The following NRROS variants were observed in gnomAD, a reference collection of about 807,000 sequenced individuals.
NRROS encodes negative regulator of reactive oxygen species, also known as transforming growth factor beta activator LRRC33.
NRROS carries 6 observed loss-of-function variants against 12.0 expected under a neutral mutation model. The ratio of observed to expected loss-of-function variants is 0.50; its 90% CI spans 0.27 to 0.98. NRROS has a LOEUF of 0.98. Ranked by LOEUF, NRROS falls within the 50% of genes least tolerant of loss-of-function variation. The probability of loss-of-function intolerance (pLI) is 0.11; values close to 1 mark genes in which losing one functional copy is unlikely to be tolerated. For missense variants in NRROS, 857 were observed against 888.2 expected (o/e 0.96, Z 0.45); for synonymous variants, 462 against 410.2 (o/e 1.13, Z -1.53).
At chr3:196,656,675 A>T (rs1737542399) in intron 2 of NRROS, among the ~76,000 whole-genome samples, 1 of 152,188 alleles carries the variant, frequency 6.6e-6, no homozygotes, top group African/African-American at 2.4e-5. Context: ...ACTACACAGT[A>T]GTTATTCAGG....
chr3:196,652,771 C>T (rs1018532207), intron 1 of NRROS, among the ~76,000 whole-genome samples: 3 of 152,148 alleles, frequency 2.0e-5, no homozygotes, highest in Admixed American at 6.6e-5. Context: ...GCCCCTTACA[C>T]GTCTAGATTC....
At chr3:196,647,226 C>T (rs934206667) in intron 1 of NRROS, among the ~76,000 whole-genome samples, 5 of 152,050 alleles carry the variant, frequency 3.3e-5, no homozygotes, top group Non-Finnish European at 7.4e-5. Flanking sequence ...GTCATTGAAT[C>T]AAAAAGAATC....
chr3:196,649,477 C>G (rs1253696787), intron 1 of NRROS, among the ~76,000 whole-genome samples: 1 of 149,698 alleles, frequency 6.7e-6, no homozygotes, highest in African/African-American at 2.5e-5. Context: ...ATTTGTTTCT[C>G]TCTTTTTTTT....
Position 196,653,106 on chromosome 3 carries a change from G to A in NRROS, c.-13-1421G>A, listed in dbSNP as rs183434367. Among the ~76,000 whole-genome samples the A allele has an allele frequency of 1.3e-3, 191 of 152,266 alleles. 2 individuals are homozygous for A. The highest frequency in any genetic ancestry group is 4.1e-3 in the African/African-American group (172 of 41,546). ...GGGGGGATCCTGAGGTCAGGAACCC[G>A]TACACCTCTGCTTCTGCCCTCTCTT... On this transcript the variant is annotated intron_variant, in intron 1 of 2. Coordinates refer to ENST00000328557, the MANE Select transcript of NRROS (RefSeq NM_198565.3).
In NRROS at chr3:196,660,534, G is replaced by A. The variant is rs1737647321; in HGVS notation, c.891G>A (p.Arg297=). ...YRDLYNTSSP[R]EMVAQFLLVD... ...ACCTGTACAACACCTCGTCGCCGAG[G>A]GAGATGGTGGCCCAGTTCCTCCTCG... Residue 297 remains arginine, a synonymous_variant, in exon 3 of 3, where the codon AGG becomes AGA. Coordinates refer to ENST00000328557, the MANE Select transcript of NRROS (RefSeq NM_198565.3). The surrounding 1 kb of genome is among the most constrained non-coding windows in gnomAD (Gnocchi z 7.7). The A allele has an allele frequency of 6.2e-7, 1 of 1,614,030 alleles. No homozygotes were observed. Among genetic ancestry groups the A allele is most frequent in the African/African-American group, 1.3e-5 (1 of 74,900 alleles).
intron 1 of NRROS, among the ~76,000 whole-genome samples, chr3:196,640,747 C>T (rs1241176055): frequency 6.6e-6 from 1 of 152,142 alleles, no homozygotes; most frequent in Non-Finnish European, 1.5e-5. Flanking sequence ...TGGACACGTG[C>T]CAGTTGGTGG....
intron 1 of NRROS, among the ~76,000 whole-genome samples, chr3:196,643,507 A>G (rs1013713908): frequency 3.4e-4 from 52 of 152,194 alleles, no homozygotes; most frequent in African/African-American, 1.3e-3. Context: ...CATGTGCACC[A>G]AGCAACTTTC....
rs1280665879 is a variant in NRROS at position 196,660,245 on chromosome 3, T to C, written c.602T>C (p.Phe201Ser). 6.2e-7 allele frequency: 1 copy of C among 1,613,700 alleles called. No homozygotes were observed. The highest frequency in any genetic ancestry group is 8.5e-7 in the Non-Finnish European group (1 of 1,180,038). Reference protein sequence around the residue: ...NYIFEIEGGAFDGLAELRHLN... With the variant: ...NYIFEIEGGASDGLAELRHLN... ...ATCTTCGAGATCGAGGGCGGCGCTT[T>C]CGACGGCCTGGCTGAGCTGAGGCAC... The change falls in exon 3 of 3, where the codon TTC (phenylalanine) becomes TCC (serine). Residue 201 changes from phenylalanine (F) to serine (S), a missense_variant. By Grantham distance (155) the Phe-to-Ser change is radical. Coordinates refer to ENST00000328557, the MANE Select transcript of NRROS (RefSeq NM_198565.3). The surrounding 1 kb of genome is among the most constrained non-coding windows in gnomAD (Gnocchi z 7.7).
intron 2 of NRROS, among the ~76,000 whole-genome samples, chr3:196,657,832 C>A (rs568574012): frequency 6.6e-6 from 1 of 151,956 alleles, no homozygotes; most frequent in Non-Finnish European, 1.5e-5. Flanking sequence ...TTCTAACGTT[C>A]GTCTGGAAAT....
chr3:196,646,262 G>A (rs1359868518), intron 1 of NRROS, among the ~76,000 whole-genome samples: 1 of 152,250 alleles, frequency 6.6e-6, no homozygotes, highest in Non-Finnish European at 1.5e-5. Context: ...CCTTCTTATC[G>A]AGAAGGGCGG....
chr3:196,661,291 A>G lies in NRROS; in HGVS notation c.1648A>G (p.Thr550Ala). 1 of 1,611,474 alleles carries G rather than the reference A, an allele frequency of 6.2e-7. No homozygotes were observed. Among genetic ancestry groups the G allele is most frequent in the Non-Finnish European group, 8.5e-7 (1 of 1,178,660 alleles). ...DLDLSGNCLT[T>A]FPRFGGSLAL... Reference sequence around the variant, plus strand: ...AGATCTGTCGGGGAATTGCTTGACCACCTTCCCAAGGTTTGGGGGCAGCCT... The same window carrying G: ...AGATCTGTCGGGGAATTGCTTGACCGCCTTCCCAAGGTTTGGGGGCAGCCT... Residue 550 changes from threonine (T) to alanine (A), a missense_variant, in exon 3 of 3, where the codon ACC becomes GCC. By Grantham distance (58) the Thr-to-Ala change is moderately conservative (BLOSUM62 0). Coordinates refer to ENST00000328557, the MANE Select transcript of NRROS (RefSeq NM_198565.3).
rs1737503546 is a variant in NRROS at position 196,654,731 on chromosome 3, T to A, written c.108+84T>A. ...ATTTGGAAAGCTGACAGATTGTCCA[T>A]CAGGAAGGGCAGAGAATGAAGGAGC... is the stretch of plus-strand genomic sequence containing the variant. On this transcript the variant is annotated intron_variant, in intron 2 of 2. Coordinates refer to ENST00000328557, the MANE Select transcript of NRROS (RefSeq NM_198565.3). This position sits in a 1 kb window ranked among gnomAD's most constrained non-coding sequence, Gnocchi z 4.4. 1 of 839,784 alleles carries A rather than the reference T, an allele frequency of 1.2e-6. No individual in the cohort carries two copies. The highest frequency in any genetic ancestry group is 1.6e-5 in the South Asian group (1 of 61,420). The allele number at this position is 839,784 out of a possible 1,614,324, so 52.0% of individuals were successfully genotyped here.
At chr3:196,650,071 C>T (rs879596663) in intron 1 of NRROS, among the ~76,000 whole-genome samples, 3 of 152,162 alleles carry the variant, frequency 2.0e-5, no homozygotes, top group African/African-American at 7.2e-5. Context: ...AGATATCCAG[C>T]GTGCACCTGA....
chr3:196,649,150 G>C (rs963969361), intron 1 of NRROS, among the ~76,000 whole-genome samples: 1 of 152,192 alleles, frequency 6.6e-6, no homozygotes, highest in African/African-American at 2.4e-5. Context: ...AGAATCAGAG[G>C]GACCAGAGCT....
intron 1 of NRROS, among the ~76,000 whole-genome samples, chr3:196,652,681 T>C (rs78893355): frequency 0.014 from 2,193 of 152,324 alleles, 55 homozygotes; most frequent in African/African-American, 0.05. Context: ...TAAATTAAAA[T>C]GCCCCTCCTG....
At chr3:196,657,353 G>A (rs895592565) in intron 2 of NRROS, among the ~76,000 whole-genome samples, 4 of 152,070 alleles carry the variant, frequency 2.6e-5, no homozygotes, top group South Asian at 2.1e-4. Flanking sequence ...ACCCCATAGC[G>A]TGAAGAAAGC....
chr3:196,654,561 C>T lies in NRROS; in HGVS notation c.22C>T (p.Leu8Phe). The change falls in exon 2 of 3, where the codon CTC becomes TTC. Residue 8 changes from leucine (L) to phenylalanine (F), a missense_variant. Coordinates refer to ENST00000328557, the MANE Select transcript of NRROS (RefSeq NM_198565.3). This position sits in a 1 kb window ranked among gnomAD's most constrained non-coding sequence, Gnocchi z 4.4. The stretch of plus-strand genomic sequence containing the variant: ...TGAGATGGAGTTGCTGCCTCTTTGG[C>T]TCTGCCTGGGTTTTCACTTCCTGAC... MELLPLW[L>F]CLGFHFLTVG... 6.2e-7 allele frequency: 1 copy of T among 1,613,954 alleles called. No individual in the cohort carries two copies. Among genetic ancestry groups the T allele is most frequent in the Non-Finnish European group, 8.5e-7 (1 of 1,179,804 alleles).
chr3:196,653,865 C>T (rs1360493112), intron 1 of NRROS, among the ~76,000 whole-genome samples: 1 of 152,188 alleles, frequency 6.6e-6, no homozygotes, highest in Non-Finnish European at 1.5e-5. Context: ...GCCAGGCAAG[C>T]GGGCTGGCAA....
At chr3:196,649,597 G>A (rs1474351956) in intron 1 of NRROS, among the ~76,000 whole-genome samples, 4 of 151,964 alleles carry the variant, frequency 2.6e-5, no homozygotes, top group Non-Finnish European at 5.9e-5. Context: ...TCAGCCTCCC[G>A]AGTAGCTGGG....
Sources: gnomAD v4.1 joint callset for allele counts (sites outside exome capture counted in the v4.1 genomes callset) on GRCh38, gnomAD v4.1.1 for gene constraint, Gnocchi (gnomAD v3.1) non-coding constraint, MANE v1.5 for transcripts, NCBI Gene and HGNC (gene_info 2026-07-23, HGNC 2026-07-21) for gene names.